Variants in COL19A1 observed in about 807,000 individuals in gnomAD.
The protein encoded by COL19A1 is collagen type XIX alpha 1 chain.
COL19A1 carries 159 observed loss-of-function variants against 190.2 expected under a neutral mutation model. That is an observed-to-expected ratio of 0.84 (90% confidence interval 0.73 to 0.95). The LOEUF (loss-of-function observed/expected upper bound fraction) is 0.95. Among genes scored for constraint, COL19A1 ranks in the 40% least tolerant of loss-of-function variants. The pLI, the probability that COL19A1 is intolerant of heterozygous loss-of-function variation, is 0.00. For missense variants in COL19A1, 1,418 were observed against 1,431.9 expected (o/e 0.99, Z 0.16); for synonymous variants, 509 against 458.9 (o/e 1.11, Z -1.39).
intron 9 of COL19A1, among the ~76,000 whole-genome samples, chr6:69,945,318 G>T (rs1323827178): frequency 1.3e-5 from 2 of 151,844 alleles, no homozygotes; most frequent in African/African-American, 4.8e-5. Flanking sequence ...TCAGAAACTG[G>T]TATTGATTTA....
intron 12 of COL19A1, among the ~76,000 whole-genome samples, chr6:70,032,891 A>G (rs1158116925): frequency 1.3e-5 from 2 of 152,198 alleles, no homozygotes; most frequent in Non-Finnish European, 2.9e-5. Flanking sequence ...TGTTTACAAT[A>G]TTCTGTTTCC....
At chr6:70,178,653 T>A (rs1014749272) in intron 42 of COL19A1, among the ~76,000 whole-genome samples, 77 of 151,362 alleles carry the variant, frequency 5.1e-4, no homozygotes, top group African/African-American at 1.7e-3. Flanking sequence ...ATGATAAAAA[T>A]TTTTTTTCGA....
chr6:69,965,292 T>C lies in COL19A1; in HGVS notation c.1026+2422T>C, dbSNP rs1775027568. Among the ~76,000 whole-genome samples the C allele has an allele frequency of 1.3e-5, 2 of 152,190 alleles. 1 individual carries two copies. The highest frequency in any genetic ancestry group is 4.8e-5 in the African/African-American group (2 of 41,444). On this transcript the variant is annotated intron_variant, in intron 11 of 50. Coordinates refer to ENST00000620364, the MANE Select transcript of COL19A1 (RefSeq NM_001858.6). Reference sequence around the variant, plus strand: ...GTTATTGGTCAGAGATGTCATATCTTCCAGAAACACATAGTTACGGTCAAA... The same window carrying C: ...GTTATTGGTCAGAGATGTCATATCTCCCAGAAACACATAGTTACGGTCAAA...
At chr6:70,063,386 G>T (rs1427763814) in intron 14 of COL19A1, among the ~76,000 whole-genome samples, 1 of 152,084 alleles carries the variant, frequency 6.6e-6, no homozygotes. Flanking sequence ...TGACTGCTGG[G>T]TACATAATGA....
rs1222885084 is a variant in COL19A1 at position 69,908,305 on chromosome 6, C to G, written c.266+7967C>G. Among the ~76,000 whole-genome samples, 48 of 152,120 alleles carry G rather than the reference C, an allele frequency of 3.2e-4. 1 individual carries two copies. The highest frequency in any genetic ancestry group is 3.1e-3 in the Admixed American group (48 of 15,268). On this transcript the variant is annotated intron_variant, in intron 4 of 50. Coordinates refer to ENST00000620364, the MANE Select transcript of COL19A1 (RefSeq NM_001858.6). ...CTCTAGAGAATGCCTATTTATGCAT[C>G]CCTTGGGTTTTCATTTGGGGCATTC...
At chr6:70,176,122 A>C (rs950992979) in intron 41 of COL19A1, among the ~76,000 whole-genome samples, 2 of 152,234 alleles carry the variant, frequency 1.3e-5, no homozygotes, top group African/African-American at 2.4e-5. Flanking sequence ...AGACAAGGAT[A>C]GGAAAAGCTT....
chr6:70,036,502 CTCAA>C (rs776739144), intron 14 of COL19A1, among the ~76,000 whole-genome samples: 4 of 152,120 alleles, frequency 2.6e-5, no homozygotes, highest in South Asian at 2.1e-4. Context: ...TGAGATTGTT[CTCAA>C]TCAAATGGTA....
At chr6:69,904,020 G>A (rs937491985) in intron 4 of COL19A1, among the ~76,000 whole-genome samples, 3 of 152,150 alleles carry the variant, frequency 2.0e-5, no homozygotes, top group Admixed American at 1.3e-4. Context: ...GCAAACTGAT[G>A]GCCTTCTGCC....
chr6:69,977,488 T>C (rs1444590933), intron 11 of COL19A1, among the ~76,000 whole-genome samples: 3 of 151,558 alleles, frequency 2.0e-5, no homozygotes, highest in East Asian at 3.9e-4. Flanking sequence ...AGTTAATGGG[T>C]GCAGCACACC....
intron 9 of COL19A1, among the ~76,000 whole-genome samples, chr6:69,948,797 C>A (rs1773965991): frequency 6.6e-6 from 1 of 151,734 alleles, no homozygotes; most frequent in South Asian, 2.1e-4. Context: ...GGTGATTCAT[C>A]CTATATTTCA....
At chr6:69,893,370 C>G (rs1388626177) in intron 2 of COL19A1, among the ~76,000 whole-genome samples, 1 of 152,102 alleles carries the variant, frequency 6.6e-6, no homozygotes, top group Non-Finnish European at 1.5e-5. Context: ...GCAAAATGTC[C>G]AGGGTAATTA....
chr6:69,980,479 T>C (rs1268317003), intron 11 of COL19A1, among the ~76,000 whole-genome samples: 1 of 152,090 alleles, frequency 6.6e-6, no homozygotes, highest in Non-Finnish European at 1.5e-5. Context: ...TAATCCAGGA[T>C]TAAGTGTATA....
At chr6:69,937,183 G>A (rs1228211030) in intron 8 of COL19A1, among the ~76,000 whole-genome samples, 1 of 152,152 alleles carries the variant, frequency 6.6e-6, no homozygotes, top group African/African-American at 2.4e-5. Flanking sequence ...CAACAGGCAA[G>A]TACTGAGTAC....
intron 11 of COL19A1, among the ~76,000 whole-genome samples, chr6:69,981,124 C>A (rs931345579): frequency 6.6e-6 from 1 of 152,102 alleles, no homozygotes; most frequent in Non-Finnish European, 1.5e-5. Context: ...TAGAACAGTG[C>A]TCACAGAGTT....
chr6:69,921,446 ATAT>A (rs1222479517), intron 4 of COL19A1, among the ~76,000 whole-genome samples: 5 of 34,116 alleles, frequency 1.5e-4, no homozygotes, highest in Non-Finnish European at 1.6e-4. Context: ...CATATATATC[ATAT>A]ATCATATATA....
chr6:69,996,967 G>T (rs1185305458), intron 11 of COL19A1, among the ~76,000 whole-genome samples: 1 of 150,278 alleles, frequency 6.7e-6, no homozygotes, highest in Non-Finnish European at 1.5e-5. Context: ...TATATAGTAT[G>T]TGTACATATA....
intron 34 of COL19A1, among the ~76,000 whole-genome samples, chr6:70,157,024 A>T (rs1362291143): frequency 1.3e-5 from 2 of 152,124 alleles, no homozygotes. Context: ...AAGGGAAAGG[A>T]GGAAGGGAAA....
intron 40 of COL19A1, among the ~76,000 whole-genome samples, chr6:70,168,935 A>G (rs1765331853): frequency 6.6e-6 from 1 of 152,126 alleles, no homozygotes; most frequent in Non-Finnish European, 1.5e-5. Context: ...GTGATGGAGG[A>G]AGACACATAT....
In COL19A1 at chr6:69,997,050, A is replaced by AGAGAG. The variant is rs1562072235; in HGVS notation, c.1027-26577_1027-26576insGAGAG. Among the ~76,000 whole-genome samples the AGAGAG allele has an allele frequency of 6.3e-4, 91 of 144,230 alleles. No homozygotes were observed. In the East Asian group the frequency reaches 0.017, roughly 27 times the overall value. 94.6% of individuals were successfully genotyped at this position (144,230 alleles called of 152,430 possible). On this transcript the variant is annotated intron_variant, in intron 11 of 50. Transcript: ENST00000620364. ...ATAGAGAGAGAGAGAGAGAGAGAGA[A>AGAGAG]AGAGAACCAAAAGAGAATCTAACAG...
Sources: gnomAD v4.1 joint callset for allele counts (sites outside exome capture counted in the v4.1 genomes callset) on GRCh38, gnomAD v4.1.1 for gene constraint, MANE v1.5 for transcripts, NCBI Gene and HGNC (gene_info 2026-07-23, HGNC 2026-07-21) for gene names.